Variants in GPHN observed in about 807,000 individuals in gnomAD.
GPHN encodes the protein gephyrin.
In GPHN, 17 loss-of-function variants were observed where a neutral mutation model predicts 95.5. The observed-to-expected ratio is 0.18, with a 90% CI of 0.12 to 0.27. GPHN has a LOEUF of 0.27. GPHN is among the 10% of genes least tolerant of loss of function. The probability of loss-of-function intolerance (pLI) is 1.00; values close to 1 mark genes in which losing one functional copy is unlikely to be tolerated. For synonymous variants in GPHN, 320 were observed against 322.5 expected (o/e 0.99, Z 0.08); for missense variants, 660 against 978.1 (o/e 0.67, Z 4.34).
At chr14:67,196,812 C>T in the GPHN span, 2 of 152,288 alleles carry the variant, frequency 1.3e-5, no homozygotes, top group African/African-American at 2.4e-5. Flanking sequence ...CCTCGGACTC[C>T]GCTTCACCTA....
chr14:66,861,148 A>C (rs1310026320), intron 4 of GPHN, among the ~76,000 whole-genome samples: 1 of 152,122 alleles, frequency 6.6e-6, no homozygotes, highest in Non-Finnish European at 1.5e-5. Context: ...AACACAGTTC[A>C]CCTGTAAAGA....
At chr14:67,032,226 G>A (rs2153631246) in intron 10 of GPHN, among the ~76,000 whole-genome samples, 1 of 152,220 alleles carries the variant, frequency 6.6e-6, no homozygotes, top group African/African-American at 2.4e-5. Flanking sequence ...GCTTTTCAGA[G>A]GACTGCCCAA....
intron 2 of GPHN, among the ~76,000 whole-genome samples, chr14:66,718,307 C>G (rs1197532249): frequency 6.6e-6 from 1 of 152,100 alleles, no homozygotes; most frequent in East Asian, 1.9e-4. Flanking sequence ...AGCCGCAGAC[C>G]TTTGTAGTGA....
chr14:67,407,543 C>T, the GPHN span, among the ~76,000 whole-genome samples: 3 of 151,914 alleles, frequency 2.0e-5, no homozygotes, highest in South Asian at 2.1e-4. Context: ...TGGGCTCAAG[C>T]GATTCTCCCA....
intron 3 of GPHN, among the ~76,000 whole-genome samples, chr14:66,788,645 T>C (rs1311785013): frequency 6.6e-6 from 1 of 152,144 alleles, no homozygotes; most frequent in Admixed American, 6.5e-5. Context: ...CTCCTTTTGT[T>C]TGTTTGTTTG....
intron 1 of GPHN, among the ~76,000 whole-genome samples, chr14:66,539,534 G>C (rs980408285): frequency 3.3e-5 from 5 of 150,428 alleles, no homozygotes; most frequent in African/African-American, 1.2e-4. Context: ...CCTGCCTCAG[G>C]TTCCTGAGTA....
chr14:67,601,131 A>T, the GPHN span, among the ~76,000 whole-genome samples: 2 of 152,186 alleles, frequency 1.3e-5, no homozygotes. Flanking sequence ...GCAGGGATGG[A>T]CTGAGGACTT....
At chr14:66,938,450 C>T (rs940292522) in intron 8 of GPHN, among the ~76,000 whole-genome samples, 1 of 152,018 alleles carries the variant, frequency 6.6e-6, no homozygotes, top group African/African-American at 2.4e-5. Flanking sequence ...TTCTGTATTC[C>T]TTTTTCATTC....
the GPHN span, among the ~76,000 whole-genome samples, chr14:67,217,226 C>G: frequency 6.6e-6 from 1 of 151,790 alleles, no homozygotes; most frequent in Admixed American, 6.6e-5. Flanking sequence ...TATGGCTACT[C>G]TTGCTTGACT....
chr14:66,924,726 A>C (rs1238082696), intron 8 of GPHN, among the ~76,000 whole-genome samples: 1 of 152,110 alleles, frequency 6.6e-6, no homozygotes, highest in Admixed American at 6.6e-5. Flanking sequence ...ATGATTTTGC[A>C]TCTCATTTTT....
chr14:67,253,696 A>G, the GPHN span, among the ~76,000 whole-genome samples: 1 of 152,044 alleles, frequency 6.6e-6, no homozygotes, highest in Non-Finnish European at 1.5e-5. Flanking sequence ...AATACAAAAA[A>G]ATTAGCTGGG....
the GPHN span, among the ~76,000 whole-genome samples, chr14:67,204,136 C>G: frequency 6.6e-6 from 1 of 152,066 alleles, no homozygotes; most frequent in African/African-American, 2.4e-5. Context: ...CTTCAAACTA[C>G]TATAAAATAT....
intron 1 of GPHN, among the ~76,000 whole-genome samples, chr14:66,569,991 TTC>T (rs2060616614): frequency 6.6e-6 from 1 of 152,176 alleles, no homozygotes; most frequent in Non-Finnish European, 1.5e-5. Flanking sequence ...TATTCTCTGC[TTC>T]TCTGAGTTTC....
intron 3 of GPHN, among the ~76,000 whole-genome samples, chr14:66,784,827 C>G (rs1020587622): frequency 3.9e-5 from 6 of 152,024 alleles, no homozygotes; most frequent in African/African-American, 1.4e-4. Context: ...AGAAACAGGA[C>G]AAAAACAGAA....
chr14:66,760,882 A>C (rs2058730444), intron 2 of GPHN: 1 of 922,776 alleles, frequency 1.1e-6, no homozygotes, highest in African/African-American at 1.6e-5. Flanking sequence ...AAAGAGCGAC[A>C]GAAAGTTCAG....
At chr14:67,193,581 A>C in the GPHN span, among the ~76,000 whole-genome samples, 158 of 145,158 alleles carry the variant, frequency 1.1e-3, no homozygotes, top group Non-Finnish European at 1.5e-3. Flanking sequence ...AGATCTATAT[A>C]TAGATATAGA....
At chr14:66,940,589 A>G (rs1010866544) in intron 8 of GPHN, among the ~76,000 whole-genome samples, 1 of 152,194 alleles carries the variant, frequency 6.6e-6, no homozygotes, top group Non-Finnish European at 1.5e-5. Context: ...TGAATTCCCC[A>G]GACCCCATTT....
the GPHN span, chr14:67,648,340 A>G: frequency 3.1e-4 from 240 of 773,008 alleles, 1 homozygote; most frequent in Middle Eastern, 3.0e-3. Context: ...GCTAATAAAA[A>G]GGATATAGTC....
intron 3 of GPHN, among the ~76,000 whole-genome samples, chr14:66,788,683 G>A (rs2059869833): frequency 6.6e-6 from 1 of 152,210 alleles, no homozygotes; most frequent in South Asian, 2.1e-4. Context: ...TTGAGACGGA[G>A]TTTTGCCCTT....
Sources: gnomAD v4.1 joint callset for allele counts (sites outside exome capture counted in the v4.1 genomes callset) on GRCh38, gnomAD v4.1.1 for gene constraint, MANE v1.5 for transcripts, NCBI Gene and HGNC (gene_info 2026-07-23, HGNC 2026-07-21) for gene names.